Variants in CDK19 observed in about 807,000 individuals in gnomAD.
CDK19 encodes the protein cyclin dependent kinase 19, also known as cyclin-dependent kinase 19.
Under a neutral mutation model 68.3 loss-of-function variants are expected in CDK19, and 20 were observed. The observed-to-expected ratio is 0.29, with a 90% CI of 0.21 to 0.43. The LOEUF (loss-of-function observed/expected upper bound fraction) is 0.43. CDK19 is among the 20% of genes least tolerant of loss of function. The pLI, the probability that CDK19 is intolerant of heterozygous loss-of-function variation, is 1.00. For missense variants in CDK19, 339 were observed against 623.5 expected (o/e 0.54, Z 4.86); for synonymous variants, 221 against 222.8 (o/e 0.99, Z 0.07).
At chr6:110,662,295 A>C (rs1781669228) in intron 4 of CDK19, among the ~76,000 whole-genome samples, 1 of 152,076 alleles carries the variant, frequency 6.6e-6, no homozygotes, top group South Asian at 2.1e-4. Context: ...TAAAAGACAG[A>C]CCTAAGGTTG....
chr6:110,723,220 G>A (rs1776070571), intron 2 of CDK19, among the ~76,000 whole-genome samples: 1 of 150,264 alleles, frequency 6.7e-6, no homozygotes, highest in Admixed American at 6.7e-5. Flanking sequence ...ACACAAGCAA[G>A]GCCACATGAA....
intron 2 of CDK19, among the ~76,000 whole-genome samples, chr6:110,738,578 A>C (rs1000951156): frequency 6.6e-6 from 1 of 152,102 alleles, no homozygotes; most frequent in African/African-American, 2.4e-5. Context: ...AATGTAATTA[A>C]ATAATCTTAA....
chr6:110,614,627 C>T lies in CDK19; in HGVS notation c.1417G>A (p.Gly473Arg), dbSNP rs1471050497. 1.2e-6 allele frequency: 2 copies of T among 1,613,754 alleles called. No individual in the cohort carries two copies. Among genetic ancestry groups the T allele is most frequent in the African/African-American group, 2.7e-5 (2 of 74,838 alleles). ...AGTGTGCTCTGGGACTGAGAGGATC[C>T]CTGAACGCTGCTTTGGTAATTCAGG... Reference protein sequence around the residue: ...SRLNYQSSVQGSSQSQSTLGY... With the variant: ...SRLNYQSSVQRSSQSQSTLGY... The change falls in exon 13 of 13, where the codon GGA becomes AGA. Residue 473 changes from glycine (G) to arginine (R), a missense_variant. Transcript: ENST00000368911.
At chr6:110,713,325 T>C (rs1486799256) in intron 2 of CDK19, among the ~76,000 whole-genome samples, 2 of 148,422 alleles carry the variant, frequency 1.3e-5, no homozygotes, top group African/African-American at 5.0e-5. Context: ...TGCATGCCTG[T>C]GGAGGCTGAG....
rs778854734 is a variant in CDK19 at position 110,667,584 on chromosome 6, A to T, written c.316-10T>A. 20 of 1,393,634 alleles carry T rather than the reference A, an allele frequency of 1.4e-5. No homozygotes were observed. The highest frequency in any genetic ancestry group is 1.2e-4 in the African/African-American group (8 of 67,782). 86.3% of individuals were successfully genotyped at this position (1,393,634 alleles called of 1,614,324 possible). On this transcript the variant is annotated splice_polypyrimidine_tract_variant and intron_variant, in intron 3 of 12. Coordinates refer to ENST00000368911, the MANE Select transcript of CDK19 (RefSeq NM_015076.5). ...GAAACTTAATAATATGCTAAAAATT[A>T]AAAAAAAACATAATAATATAGTCTT...
chr6:110,766,373 A>G (rs1459281672), intron 1 of CDK19, among the ~76,000 whole-genome samples: 1 of 151,780 alleles, frequency 6.6e-6, no homozygotes, highest in East Asian at 1.9e-4. Context: ...TCAGGGGTGC[A>G]GGACCACCCT....
chr6:110,622,721 T>TA, intron 10 of CDK19, 94 bp downstream of exon 10: 1 of 809,904 alleles, frequency 1.2e-6, no homozygotes, highest in Non-Finnish European at 2.2e-6. Flanking sequence ...TTGAAAAAGT[T>TA]AAATACTTCA....
chr6:110,659,456 A>G (rs1781488997), intron 4 of CDK19, among the ~76,000 whole-genome samples: 2 of 152,228 alleles, frequency 1.3e-5, no homozygotes, highest in Admixed American at 1.3e-4. Flanking sequence ...CCTCTTGGCT[A>G]GCTGTTACAA....
At chr6:110,806,819 A>C (rs907019256) in intron 1 of CDK19, among the ~76,000 whole-genome samples, 2 of 151,782 alleles carry the variant, frequency 1.3e-5, no homozygotes, top group Non-Finnish European at 2.9e-5. Flanking sequence ...TCTACTAAAA[A>C]TACAAAAAAT....
intron 1 of CDK19, among the ~76,000 whole-genome samples, chr6:110,764,952 A>AAAATAAATAAAT (rs57218365): frequency 0.05 from 7,091 of 141,018 alleles, 367 homozygotes; most frequent in East Asian, 0.28. Flanking sequence ...CTCCATCTCA[A>AAAATAAATAAAT]AAATAAATAA....
Position 110,783,473 on chromosome 6 carries a change from A to G in CDK19, c.128+31536T>C, listed in dbSNP as rs544505705. On this transcript the variant is annotated intron_variant, in intron 1 of 12. Transcript: ENST00000368911. Reference sequence around the variant, plus strand: ...GCCAACATGATGAAACTCCATCTCTACTAAAAATACAAAAGTTAGCTGAGC... The same window carrying G: ...GCCAACATGATGAAACTCCATCTCTGCTAAAAATACAAAAGTTAGCTGAGC... Among the ~76,000 whole-genome samples, 5 of 152,064 alleles carry G rather than the reference A, an allele frequency of 3.3e-5. No individual in the cohort carries two copies. The South Asian group carries it at 1.0e-3, about 32-fold the overall frequency.
At position 110,611,469 on chromosome 6, in the gene CDK19, A is replaced by T. The variant is rs773849653; in HGVS notation, c.*3066T>A. On this transcript the variant is annotated 3_prime_UTR_variant, in exon 13 of 13. Coordinates refer to ENST00000368911, the MANE Select transcript of CDK19 (RefSeq NM_015076.5). Reference sequence around the variant, plus strand: ...GTCTCCTTAGAGGTCCCACGGTTTGAGGGCCCTTACGTGTGTTAAAAAGGC... The same window carrying T: ...GTCTCCTTAGAGGTCCCACGGTTTGTGGGCCCTTACGTGTGTTAAAAAGGC... The T allele has an allele frequency of 6.6e-6, 1 of 152,202 alleles. No homozygotes were observed. Among genetic ancestry groups the T allele is most frequent in the Non-Finnish European group, 1.5e-5 (1 of 68,046 alleles). The allele number at this position is 152,202 out of a possible 1,614,324, so 9.4% of individuals were successfully genotyped here.
chr6:110,726,951 T>C (rs1776358349), intron 2 of CDK19, among the ~76,000 whole-genome samples: 1 of 152,176 alleles, frequency 6.6e-6, no homozygotes, highest in African/African-American at 2.4e-5. Context: ...TCTAAGATAA[T>C]CAAGCTGGAA....
intron 1 of CDK19, among the ~76,000 whole-genome samples, chr6:110,752,639 T>C (rs1450579017): frequency 3.9e-5 from 6 of 152,248 alleles, no homozygotes; most frequent in Admixed American, 3.9e-4. Flanking sequence ...TTCTTCTTTA[T>C]TCAACTTAAG....
At chr6:110,729,773 G>A (rs751251524) in intron 2 of CDK19, among the ~76,000 whole-genome samples, 2 of 151,674 alleles carry the variant, frequency 1.3e-5, no homozygotes, top group African/African-American at 2.4e-5. Context: ...TTGCTATGTT[G>A]CCCAGGCTAG....
At chr6:110,648,068 A>G (rs1780723607) in intron 4 of CDK19, among the ~76,000 whole-genome samples, 1 of 152,210 alleles carries the variant, frequency 6.6e-6, no homozygotes, top group Non-Finnish European at 1.5e-5. Flanking sequence ...TAGGCTAGAA[A>G]AAATCTACCT....
Position 110,795,622 on chromosome 6 carries a change from C to T in CDK19, c.128+19387G>A, listed in dbSNP as rs57347385. The stretch of plus-strand genomic sequence containing the variant: ...GGTTATAAATACTAAGAGCCTTAAA[C>T]AACTAATACCCTTTGACACAGCAAA... On this transcript the variant is annotated intron_variant, in intron 1 of 12. Coordinates refer to ENST00000368911, the MANE Select transcript of CDK19 (RefSeq NM_015076.5). Among the ~76,000 whole-genome samples the T allele has an allele frequency of 5.5e-3, 831 of 152,236 alleles. 7 individuals carry two copies. The highest frequency in any genetic ancestry group is 0.019 in the African/African-American group (809 of 41,534).
rs75422793 is a variant in CDK19, at chr6:110,762,081, T to G, written c.129-15880A>C. ...GTTATGCAAAGGTTCTGTGATCTAC[T>G]TTCTCATACCCAATACCCCATAAGC... is the stretch of plus-strand genomic sequence containing the variant. On this transcript the variant is annotated intron_variant, in intron 1 of 12. Coordinates refer to ENST00000368911, the MANE Select transcript of CDK19 (RefSeq NM_015076.5). Among the ~76,000 whole-genome samples the G allele has an allele frequency of 3.1e-3, 479 of 152,324 alleles. 2 individuals carry two copies. Among genetic ancestry groups the G allele is most frequent in the Middle Eastern group, 0.01 (3 of 294 alleles).
chr6:110,687,238 C>T (rs1917210), intron 2 of CDK19, among the ~76,000 whole-genome samples: 5,348 of 152,190 alleles, frequency 0.035, 304 homozygotes, highest in African/African-American at 0.12. Context: ...CTTTTCAGGA[C>T]ATTGGGCATT....
Sources: allele counts gnomAD v4.1 joint callset (sites outside exome capture counted in the v4.1 genomes callset), GRCh38; gene constraint gnomAD v4.1.1; transcripts MANE v1.5; gene names NCBI Gene and HGNC (gene_info 2026-07-23, HGNC 2026-07-21).